Variants in ITFG1 observed in about 807,000 individuals in gnomAD.
ITFG1 encodes T-cell immunomodulatory protein.
Under a neutral mutation model 81.8 loss-of-function variants are expected in ITFG1, and 34 were observed. The observed-to-expected ratio is 0.42, with a 90% CI of 0.32 to 0.55. ITFG1 has a LOEUF of 0.55. ITFG1 is among the 20% of genes least tolerant of loss of function. ITFG1 has a pLI of 0.17. For missense variants in ITFG1, 672 were observed against 755.4 expected (o/e 0.89, Z 1.29); for synonymous variants, 285 against 270.6 (o/e 1.05, Z -0.52).
At chr16:47,164,614 T>C (rs1004757081) in intron 14 of ITFG1, among the ~76,000 whole-genome samples, 1 of 152,276 alleles carries the variant, frequency 6.6e-6, no homozygotes, top group African/African-American at 2.4e-5. Flanking sequence ...ATTCCTCTTA[T>C]ATTTTGATCA....
chr16:47,445,980 G>A (rs139827737), intron 5 of ITFG1, among the ~76,000 whole-genome samples: 2 of 152,142 alleles, frequency 1.3e-5, no homozygotes, highest in East Asian at 3.9e-4. Context: ...ACGTATTTGT[G>A]AGCCTGTGGT....
chr16:47,314,289 T>C (rs974120295), intron 8 of ITFG1, among the ~76,000 whole-genome samples: 3 of 152,212 alleles, frequency 2.0e-5, no homozygotes, highest in African/African-American at 7.2e-5. Context: ...CTTATTTACA[T>C]AATTATCACT....
chr16:47,386,109 C>T (rs1596949158), intron 6 of ITFG1, among the ~76,000 whole-genome samples: 1 of 152,108 alleles, frequency 6.6e-6, no homozygotes, highest in African/African-American at 2.4e-5. Flanking sequence ...TGTAAAAATT[C>T]CCTTCTGGAA....
chr16:47,364,725 A>G (rs1968153075), intron 8 of ITFG1, among the ~76,000 whole-genome samples: 1 of 152,240 alleles, frequency 6.6e-6, no homozygotes, highest in African/African-American at 2.4e-5. Flanking sequence ...TTTCCATGAT[A>G]TGACATTATC....
At chr16:47,238,216 C>T (rs1965897101) in intron 12 of ITFG1, 2 of 447,378 alleles carry the variant, frequency 4.5e-6, no homozygotes, top group Non-Finnish European at 8.0e-6. Flanking sequence ...TGTCAAGATG[C>T]TACTATTTTG....
At chr16:47,225,747 C>T (rs955466834) in intron 13 of ITFG1, among the ~76,000 whole-genome samples, 4 of 151,982 alleles carry the variant, frequency 2.6e-5, no homozygotes, top group Non-Finnish European at 5.9e-5. Flanking sequence ...CAGATAAAAC[C>T]AGAAAGAACT....
intron 6 of ITFG1, among the ~76,000 whole-genome samples, chr16:47,393,266 A>C (rs1421349997): frequency 1.3e-5 from 2 of 152,086 alleles, no homozygotes; most frequent in Admixed American, 1.3e-4. Context: ...TCCTTTTCTG[A>C]CTACACTGTA....
At chr16:47,183,042 G>A (rs1005997270) in intron 14 of ITFG1, among the ~76,000 whole-genome samples, 7 of 152,182 alleles carry the variant, frequency 4.6e-5, no homozygotes, top group Admixed American at 1.3e-4. Flanking sequence ...ACTCCCACCC[G>A]AATACCGCGC....
At chr16:47,409,208 A>C (rs1465113356) in intron 6 of ITFG1, among the ~76,000 whole-genome samples, 1 of 150,544 alleles carries the variant, frequency 6.6e-6, no homozygotes, top group Non-Finnish European at 1.5e-5. Flanking sequence ...GAGTCTCTCG[A>C]GAGAAAAACT....
intron 10 of ITFG1, among the ~76,000 whole-genome samples, chr16:47,273,387 C>T (rs952947646): frequency 6.6e-6 from 1 of 152,122 alleles, no homozygotes; most frequent in African/African-American, 2.4e-5. Context: ...ACCCATGCTG[C>T]CTACTATCGG....
chr16:47,253,800 A>G (rs564445913), intron 12 of ITFG1, among the ~76,000 whole-genome samples: 7 of 152,278 alleles, frequency 4.6e-5, no homozygotes, highest in Admixed American at 4.6e-4. Flanking sequence ...GGCTATAAAT[A>G]CAGGGGAAGC....
rs374514665 is a variant in ITFG1, at chr16:47,318,490, T to C, written c.803-4667A>G. Among the ~76,000 whole-genome samples the C allele has an allele frequency of 3.3e-5, 5 of 152,294 alleles. No individual in the cohort carries two copies. The East Asian group carries it at 5.8e-4, about 18-fold the overall frequency. On this transcript the variant is annotated intron_variant, in intron 8 of 17. Coordinates refer to ENST00000320640, the MANE Select transcript of ITFG1 (RefSeq NM_030790.5). Reference sequence around the variant, plus strand: ...CACCTTTGTGAGATTATATCTGTAGTATAAATTCCTAAAATGAAAATTATG... The same window carrying C: ...CACCTTTGTGAGATTATATCTGTAGCATAAATTCCTAAAATGAAAATTATG...
At chr16:47,457,974 A>T (rs557205411) in intron 2 of ITFG1, among the ~76,000 whole-genome samples, 2 of 152,226 alleles carry the variant, frequency 1.3e-5, no homozygotes, top group South Asian at 2.1e-4. Context: ...TCTTTTTAAC[A>T]TGAGTTTGAG....
chr16:47,258,905 C>A (rs2062968), intron 11 of ITFG1, among the ~76,000 whole-genome samples, 165 bp from the exon 12 acceptor site: 17,894 of 151,884 alleles, frequency 0.12, 2,302 homozygotes, highest in African/African-American at 0.32. Flanking sequence ...GTATATACAC[C>A]CAAGTTTCAA....
At chr16:47,265,437 C>G (rs1966265389) in intron 10 of ITFG1, among the ~76,000 whole-genome samples, 1 of 151,892 alleles carries the variant, frequency 6.6e-6, no homozygotes, top group African/African-American at 2.4e-5. Flanking sequence ...ACTGTCTAAA[C>G]AAACAAAAAC....
chr16:47,369,221 A>G (rs1228851268), intron 7 of ITFG1, among the ~76,000 whole-genome samples: 1 of 152,198 alleles, frequency 6.6e-6, no homozygotes, highest in East Asian at 1.9e-4. Flanking sequence ...AACATGATCA[A>G]TACTGTTTTT....
chr16:47,247,008 T>C (rs528528535), intron 12 of ITFG1, among the ~76,000 whole-genome samples: 3 of 152,250 alleles, frequency 2.0e-5, no homozygotes, highest in East Asian at 1.9e-4. Flanking sequence ...GGTCTCGAAC[T>C]TGGGGCCTCA....
intron 8 of ITFG1, among the ~76,000 whole-genome samples, chr16:47,325,627 A>C (rs1596896247): frequency 6.6e-6 from 1 of 152,202 alleles, no homozygotes; most frequent in Non-Finnish European, 1.5e-5. Context: ...CACAATAAAA[A>C]ATGATAAAGG....
chr16:47,444,628 G>A (rs1401205981), intron 5 of ITFG1, among the ~76,000 whole-genome samples: 1 of 152,070 alleles, frequency 6.6e-6, no homozygotes, highest in Non-Finnish European at 1.5e-5. Flanking sequence ...GATAAAATAA[G>A]ATGCTTCACT....
Sources: allele counts gnomAD v4.1 joint callset (sites outside exome capture counted in the v4.1 genomes callset), GRCh38; gene constraint gnomAD v4.1.1; transcripts MANE v1.5; gene names NCBI Gene and HGNC (gene_info 2026-07-23, HGNC 2026-07-21).